Variants in TSHR observed in about 807,000 individuals in gnomAD.
The protein encoded by TSHR is thyroid stimulating hormone receptor.
A neutral mutation model predicts 64.1 loss-of-function variants in TSHR; 51 were observed. The observed-to-expected ratio is 0.80, with a 90% CI of 0.64 to 1.01. The LOEUF (loss-of-function observed/expected upper bound fraction) is 1.01. Ranked by LOEUF, TSHR falls within the 50% of genes least tolerant of loss-of-function variation. The pLI is 0.00. For missense variants in TSHR, 877 were observed against 942.8 expected (o/e 0.93, Z 0.91); for synonymous variants, 361 against 361.9 (o/e 1.00, Z 0.03).
intron 1 of TSHR, among the ~76,000 whole-genome samples, chr14:81,038,892 C>T (rs1215165196): frequency 6.6e-6 from 1 of 151,398 alleles, no homozygotes; most frequent in African/African-American, 2.4e-5. Flanking sequence ...AAGATTCAAT[C>T]AGTAATAAAA....
chr14:80,996,380 G>T (rs544122591), intron 1 of TSHR, among the ~76,000 whole-genome samples: 33 of 152,100 alleles, frequency 2.2e-4, no homozygotes, highest in Admixed American at 2.0e-3. Context: ...CAGTTTCCAT[G>T]ATTCGTATTC....
intron 1 of TSHR, among the ~76,000 whole-genome samples, chr14:80,974,459 TC>T (rs1396999603): frequency 6.6e-6 from 1 of 152,138 alleles, no homozygotes; most frequent in East Asian, 1.9e-4. Flanking sequence ...TGGCTGAAAA[TC>T]CTGTTAGTAC....
intron 8 of TSHR, among the ~76,000 whole-genome samples, chr14:81,126,340 T>G (rs1203882934): frequency 1.3e-5 from 2 of 152,168 alleles, no homozygotes; most frequent in African/African-American, 4.8e-5. Context: ...CCCCGAAAGA[T>G]TTTTACTTTA....
chr14:81,095,574 A>G (rs1889115696), intron 6 of TSHR: 1 of 151,802 alleles, frequency 6.6e-6, no homozygotes, highest in Non-Finnish European at 1.5e-5. Context: ...TCCCTGTCAA[A>G]AAAAAAAATC....
At chr14:80,971,433 G>T (rs1305035871) in intron 1 of TSHR, among the ~76,000 whole-genome samples, 1 of 152,128 alleles carries the variant, frequency 6.6e-6, no homozygotes, top group Non-Finnish European at 1.5e-5. Flanking sequence ...TCTCTCTATT[G>T]ATAGGAATCA....
chr14:81,017,535 TA>T (rs1264757058), intron 1 of TSHR, among the ~76,000 whole-genome samples: 1 of 152,162 alleles, frequency 6.6e-6, no homozygotes, highest in Non-Finnish European at 1.5e-5. Flanking sequence ...GAACAGCTGG[TA>T]CCCAAATGCC....
chr14:81,028,415 A>G (rs1884180437), intron 1 of TSHR, among the ~76,000 whole-genome samples: 1 of 152,082 alleles, frequency 6.6e-6, no homozygotes, highest in Non-Finnish European at 1.5e-5. Context: ...AGTTGAGCAG[A>G]GGTTTGGCAG....
At chr14:81,141,655 T>A (rs1739395003) in intron 9 of TSHR, among the ~76,000 whole-genome samples, 1 of 152,162 alleles carries the variant, frequency 6.6e-6, no homozygotes, top group Admixed American at 6.5e-5. Flanking sequence ...ACTTCTGTAA[T>A]CCTAGCACTT....
At chr14:81,084,890 G>C (rs1158439549) in intron 3 of TSHR, among the ~76,000 whole-genome samples, 2 of 152,126 alleles carry the variant, frequency 1.3e-5, no homozygotes, top group Non-Finnish European at 2.9e-5. Context: ...ACTCACTTCT[G>C]CCCTTCCTTT....
At chr14:80,977,996 A>G (rs1481277530) in intron 1 of TSHR, among the ~76,000 whole-genome samples, 1 of 152,040 alleles carries the variant, frequency 6.6e-6, no homozygotes, top group Non-Finnish European at 1.5e-5. Flanking sequence ...AGCTGGCTGT[A>G]GTAGCTTCAA....
chr14:80,964,233 G>C (rs1887183072), intron 1 of TSHR, among the ~76,000 whole-genome samples: 2 of 152,146 alleles, frequency 1.3e-5, no homozygotes, highest in Non-Finnish European at 2.9e-5. Flanking sequence ...GATCAGTTTT[G>C]ATGAGGCCAA....
intron 1 of TSHR, among the ~76,000 whole-genome samples, chr14:81,030,256 T>C (rs1406746845): frequency 6.6e-6 from 1 of 150,892 alleles, no homozygotes; most frequent in East Asian, 1.9e-4. Flanking sequence ...AAACAGAATT[T>C]AAAAATGAAC....
intron 1 of TSHR, among the ~76,000 whole-genome samples, chr14:80,976,663 T>C (rs1272783547): frequency 6.6e-6 from 1 of 152,220 alleles, no homozygotes; most frequent in Non-Finnish European, 1.5e-5. Flanking sequence ...GCCCTGCTTC[T>C]TCCTCCTGAT....
At chr14:81,008,706 T>C (rs118090836) in intron 1 of TSHR, among the ~76,000 whole-genome samples, 1,994 of 152,330 alleles carry the variant, frequency 0.013, 25 homozygotes, top group African/African-American at 0.02. Flanking sequence ...CTGTTTTTTA[T>C]CCAACTTCTT....
In TSHR at chr14:81,089,793, G is replaced by A. The variant is rs78624254; in HGVS notation, c.393-1276G>A. ...GCACCTATTGCAATTGAACTAGTTCGTTTACTGTATTTCAAATATACCTTA... is the reference window on the plus strand; with the variant it reads ...GCACCTATTGCAATTGAACTAGTTCATTTACTGTATTTCAAATATACCTTA... On this transcript the variant is annotated intron_variant, in intron 4 of 9. Transcript: ENST00000298171. 4.9e-3 allele frequency among the ~76,000 whole-genome samples: 742 copies of A among 152,166 alleles called. 8 individuals are homozygous for A. The highest frequency in any genetic ancestry group is 0.017 in the African/African-American group (702 of 41,520).
intron 8 of TSHR, among the ~76,000 whole-genome samples, chr14:81,112,977 T>A (rs897597768): frequency 6.6e-6 from 1 of 152,208 alleles, no homozygotes; most frequent in South Asian, 2.1e-4. Flanking sequence ...GAGGCCATCA[T>A]CAGGTCTTTT....
chr14:81,020,618 C>G (rs1174287155), intron 1 of TSHR, among the ~76,000 whole-genome samples: 1 of 152,188 alleles, frequency 6.6e-6, no homozygotes, highest in African/African-American at 2.4e-5. Context: ...AGCAGAGAGG[C>G]TTGACTGCAT....
intron 1 of TSHR, among the ~76,000 whole-genome samples, chr14:81,044,796 C>T (rs1034703278): frequency 6.6e-6 from 1 of 152,060 alleles, no homozygotes; most frequent in Admixed American, 6.6e-5. Context: ...TATACACTGT[C>T]GGTGAGAGTG....
chr14:80,998,155 T>A (rs923573370), intron 1 of TSHR, among the ~76,000 whole-genome samples: 4 of 152,152 alleles, frequency 2.6e-5, no homozygotes, highest in East Asian at 1.9e-4. Context: ...ACAAAAAAAA[T>A]TTCTTTCTGA....
Sources: allele counts gnomAD v4.1 joint callset (sites outside exome capture counted in the v4.1 genomes callset), GRCh38; gene constraint gnomAD v4.1.1; transcripts MANE v1.5; gene names NCBI Gene and HGNC (gene_info 2026-07-23, HGNC 2026-07-21).